Variants in CEP170 observed in about 807,000 individuals in gnomAD.
The protein encoded by CEP170 is centrosomal protein 170.
CEP170 carries 21 observed loss-of-function variants against 151.9 expected under a neutral mutation model. That is an observed-to-expected ratio of 0.14 (90% CI 0.10 to 0.20). The LOEUF (loss-of-function observed/expected upper bound fraction) is 0.20. Among genes scored for constraint, CEP170 ranks in the 10% least tolerant of loss-of-function variants. The pLI is 1.00. For missense variants in CEP170, 964 were observed against 1,892.9 expected, an observed-to-expected ratio of 0.51 and a Z score of 9.11; for synonymous variants, 356 against 648.8, an observed-to-expected ratio of 0.55 and a Z score of 6.86.
intron 1 of CEP170, among the ~76,000 whole-genome samples, chr1:243,235,277 G>A (rs1247881033): frequency 6.6e-6 from 1 of 152,134 alleles, no homozygotes; most frequent in East Asian, 1.9e-4. Flanking sequence ...GTGGTCTACG[G>A]AAATATCTTT....
intron 1 of CEP170, among the ~76,000 whole-genome samples, chr1:243,229,914 A>G (rs1039091563): frequency 6.6e-6 from 1 of 152,254 alleles, no homozygotes; most frequent in Non-Finnish European, 1.5e-5. Flanking sequence ...TGACCACATT[A>G]TAACAAAAAC....
At chr1:243,130,939 G>A (rs1191751142) in intron 17 of CEP170, among the ~76,000 whole-genome samples, 2 of 152,020 alleles carry the variant, frequency 1.3e-5, no homozygotes, top group African/African-American at 2.4e-5. Flanking sequence ...CATTAGGACT[G>A]ATGGAAAATA....
rs201748062 is a variant in CEP170 at position 243,165,455 on chromosome 1, T to C, written c.2505A>G (p.Arg835=). 335 of 1,594,188 alleles carry C rather than the reference T, an allele frequency of 2.1e-4. No homozygotes were observed. Among genetic ancestry groups the C allele is most frequent in the Admixed American group, 1.4e-4 (8 of 55,824 alleles). ...DKKESSKSLV[R]QGSFTIEKPS... ...GTTTTTCTATAGTGAAGCTCCCTTGTCGCACTAATGACTTGGAGGATTCCT... is the reference window on the plus strand; with the variant it reads ...GTTTTTCTATAGTGAAGCTCCCTTGCCGCACTAATGACTTGGAGGATTCCT... Residue 835 remains arginine, a synonymous_variant, in exon 13 of 20, where the codon CGA becomes CGG. Coordinates refer to ENST00000366542, the MANE Select transcript of CEP170 (RefSeq NM_014812.3).
Position 243,200,826 on chromosome 1 carries a change from A to T in CEP170, c.284T>A (p.Leu95His). 1 of 1,610,474 alleles carries T rather than the reference A, an allele frequency of 6.2e-7. No homozygotes were observed. The highest frequency in any genetic ancestry group is 1.1e-5 in the South Asian group (1 of 90,010). The change falls in exon 5 of 20, where the codon CTT (leucine) becomes CAT (histidine). Residue 95 changes from leucine to histidine, a missense_variant. Physicochemically the swap from Leu to His is moderately conservative, Grantham distance 99. Coordinates refer to ENST00000366542, the MANE Select transcript of CEP170 (RefSeq NM_014812.3). ...CATTTCTCCTTGTACTACAGTGAAA[A>T]GATTTGTATGTAAACGGGGCTAAGG... ...DKLRFGYDTN[L>H]FTVVQGEMRV...
chr1:243,142,062 G>A (rs967487395), intron 15 of CEP170, among the ~76,000 whole-genome samples: 1 of 152,150 alleles, frequency 6.6e-6, no homozygotes, highest in Non-Finnish European at 1.5e-5. Flanking sequence ...GTGAAGCTAT[G>A]GACCAAGAAT....
At chr1:243,148,531 G>A (rs2787227) in intron 14 of CEP170, among the ~76,000 whole-genome samples, 23 of 152,122 alleles carry the variant, frequency 1.5e-4, no homozygotes, top group African/African-American at 4.8e-4. Flanking sequence ...CTGAGATCGC[G>A]CCACTACACT....
chr1:243,240,341 A>C (rs1236365415), intron 1 of CEP170, among the ~76,000 whole-genome samples: 1 of 152,186 alleles, frequency 6.6e-6, no homozygotes, highest in Non-Finnish European at 1.5e-5. Flanking sequence ...ATACAAAATA[A>C]ATCAGACTAG....
intron 1 of CEP170, among the ~76,000 whole-genome samples, chr1:243,249,888 C>T (rs184057808): frequency 2.8e-4 from 42 of 152,316 alleles, no homozygotes; most frequent in Non-Finnish European, 5.4e-4. Flanking sequence ...CAAGATCATC[C>T]TGGCCAACAT....
At chr1:243,196,581 G>C (rs1037892607) in intron 7 of CEP170, among the ~76,000 whole-genome samples, 3 of 152,098 alleles carry the variant, frequency 2.0e-5, no homozygotes, top group African/African-American at 7.2e-5. Flanking sequence ...TTTTGTGTGT[G>C]ACAGGGGAGG....
At chr1:243,135,367 C>T (rs369379236) in intron 17 of CEP170, among the ~76,000 whole-genome samples, 26 of 152,148 alleles carry the variant, frequency 1.7e-4, no homozygotes, top group East Asian at 9.7e-4. Context: ...CCACCACGCC[C>T]GGCTAATTTT....
intron 1 of CEP170, among the ~76,000 whole-genome samples, chr1:243,238,544 A>G (rs545165461): frequency 6.6e-6 from 1 of 152,344 alleles, no homozygotes; most frequent in African/African-American, 2.4e-5. Flanking sequence ...CAGATAAAAG[A>G]TTATTGGTAT....
intron 16 of CEP170, among the ~76,000 whole-genome samples, chr1:243,137,503 G>C (rs1228641851): frequency 6.6e-6 from 1 of 152,150 alleles, no homozygotes; most frequent in Non-Finnish European, 1.5e-5. Context: ...GAGGCCGGGC[G>C]CAGTGGCTCA....
intron 4 of CEP170, among the ~76,000 whole-genome samples, chr1:243,201,074 A>G (rs1469737352): frequency 1.3e-5 from 2 of 152,054 alleles, no homozygotes; most frequent in African/African-American, 4.8e-5. Flanking sequence ...GGCCCTCAAG[A>G]AGCAAACAAC....
chr1:243,189,974 C>T (rs1331222779), intron 8 of CEP170, among the ~76,000 whole-genome samples: 1 of 152,092 alleles, frequency 6.6e-6, no homozygotes, highest in African/African-American at 2.4e-5. Flanking sequence ...ATCACATCAT[C>T]TCACTGTCCG....
chr1:243,189,680 T>TA (rs1335331351), intron 8 of CEP170, among the ~76,000 whole-genome samples: 15 of 152,100 alleles, frequency 9.9e-5, no homozygotes, highest in Non-Finnish European at 2.2e-4. Context: ...AAGGATATTT[T>TA]ACCTCAGTTT....
At chr1:243,215,073 A>T (rs2062146477) in intron 3 of CEP170, among the ~76,000 whole-genome samples, 1 of 152,138 alleles carries the variant, frequency 6.6e-6, no homozygotes, top group South Asian at 2.1e-4. Flanking sequence ...GTCTTTACTG[A>T]AATCTCTGAA....
intron 4 of CEP170, among the ~76,000 whole-genome samples, chr1:243,207,246 ATAT>A (rs1169104088): frequency 6.6e-6 from 1 of 152,218 alleles, no homozygotes; most frequent in Admixed American, 6.5e-5. Context: ...AACAACTATA[ATAT>A]TAAGACAAAC....
At chr1:243,152,918 A>T (rs1207771702) in intron 14 of CEP170, among the ~76,000 whole-genome samples, 1 of 152,216 alleles carries the variant, frequency 6.6e-6, no homozygotes, top group Non-Finnish European at 1.5e-5. Flanking sequence ...TGATTCCTCT[A>T]ATAGATCTGG....
At chr1:243,249,912 C>T (rs1307410622) in intron 1 of CEP170, among the ~76,000 whole-genome samples, 7 of 152,158 alleles carry the variant, frequency 4.6e-5, no homozygotes, top group Admixed American at 3.3e-4. Flanking sequence ...GAAACCCTGT[C>T]TTTACTAAAA....
Sources: gnomAD v4.1 joint callset for allele counts (sites outside exome capture counted in the v4.1 genomes callset) on GRCh38, gnomAD v4.1.1 for gene constraint, MANE v1.5 for transcripts, NCBI Gene and HGNC (gene_info 2026-07-23, HGNC 2026-07-21) for gene names.